GIT2: variants seen among roughly 807,000 people sequenced by gnomAD.
GIT2 encodes the protein ARF GTPase-activating protein GIT2.
GIT2 carries 32 observed loss-of-function variants against 100.3 expected under a neutral mutation model. The ratio of observed to expected loss-of-function variants is 0.32; its 90% confidence interval spans 0.24 to 0.43. GIT2 has a LOEUF of 0.43. Ranked by LOEUF, GIT2 falls within the 20% of genes least tolerant of loss-of-function variation. The pLI, the probability that GIT2 is intolerant of heterozygous loss-of-function variation, is 1.00. For missense variants in GIT2, 737 were observed against 975.1 expected (o/e 0.76, Z 3.25); for synonymous variants, 353 against 364.1 (o/e 0.97, Z 0.35).
Position 109,948,892 on chromosome 12 carries a change from CT to C in GIT2, c.1393-1389del. 7.4e-7 allele frequency: 1 copy of C among 1,348,316 alleles called. No homozygotes were observed. Among genetic ancestry groups the C allele is most frequent in the Non-Finnish European group, 1.0e-6 (1 of 959,382 alleles). 83.5% of individuals were successfully genotyped at this position (1,348,316 alleles called of 1,614,324 possible). On this transcript the variant is annotated intron_variant, in intron 14 of 19. Transcript: ENST00000355312. The surrounding 1 kb of genome is among the most constrained non-coding windows in gnomAD (Gnocchi z 4.3). ...GATACAAATCATGCTACTTTGTCAA[CT>C]TTATGTATATTAAAAACTTTACCCA...
intron 7 of GIT2, among the ~76,000 whole-genome samples, chr12:109,972,080 T>C (rs182040766): frequency 1.3e-5 from 2 of 152,310 alleles, no homozygotes; most frequent in Admixed American, 6.5e-5. Flanking sequence ...CTCAAGGTTC[T>C]GGAAACCTTT....
chr12:109,966,805 C>G (rs1882598417), intron 8 of GIT2, among the ~76,000 whole-genome samples: 1 of 152,190 alleles, frequency 6.6e-6, no homozygotes, highest in African/African-American at 2.4e-5. Context: ...AGGATCATTC[C>G]TGTAGCAATG....
chr12:109,939,147 C>G lies in GIT2; in HGVS notation c.1814+18G>C. The G allele has an allele frequency of 6.4e-7, 1 of 1,552,678 alleles. No individual in the cohort carries two copies. Among genetic ancestry groups the G allele is most frequent in the Non-Finnish European group, 8.9e-7 (1 of 1,124,382 alleles). On this transcript the variant is annotated intron_variant, in intron 17 of 19. Transcript: ENST00000355312. ...CCTGGGGAGCCCCTCCCCTGGCACG[C>G]TCGTCCTGTGCATGTACCCCATGCC...
chr12:109,955,096 C>G (rs1042811231), intron 12 of GIT2, among the ~76,000 whole-genome samples: 4 of 152,028 alleles, frequency 2.6e-5, no homozygotes, highest in Non-Finnish European at 4.4e-5. Context: ...TAGCCACACA[C>G]AGTCAATTCT....
Position 109,965,463 on chromosome 12 carries a change from G to A in GIT2, c.816+63C>T. On this transcript the variant is annotated intron_variant, in intron 9 of 19. Transcript: ENST00000355312. ...ACGCAATAGGTAACCTGCATTCAGA[G>A]TAGGTATCAGCAGGGTGCACTGATT... 10 of 884,448 alleles carry A rather than the reference G, an allele frequency of 1.1e-5. No homozygotes were observed. The South Asian group carries it at 1.2e-4, about 10-fold the overall frequency. The allele number at this position is 884,448 out of a possible 1,614,324, so 54.8% of individuals were successfully genotyped here.
chr12:109,988,848 CAAAAAAAA>C (rs59956597), intron 4 of GIT2, 107 bp downstream of exon 4: 926 of 204,824 alleles, frequency 4.5e-3, no homozygotes, highest in South Asian at 0.01. Flanking sequence ...GACTCTGTCT[CAAAAAAAA>C]AAAAAAAAAA....
At chr12:109,970,775 A>G (rs935841219) in intron 7 of GIT2, among the ~76,000 whole-genome samples, 2 of 152,162 alleles carry the variant, frequency 1.3e-5, no homozygotes, top group East Asian at 3.9e-4. Context: ...TCACCCTTCC[A>G]TTTGAATTTT....
intron 14 of GIT2, 182 bp downstream of exon 14, chr12:109,950,985 G>A: frequency 1.5e-6 from 1 of 652,342 alleles, no homozygotes; most frequent in Non-Finnish European, 2.7e-6. Context: ...AACTTACTCT[G>A]GATATATTTC....
intron 18 of GIT2, among the ~76,000 whole-genome samples, chr12:109,937,481 A>C (rs900631592): frequency 1.3e-5 from 2 of 152,188 alleles, no homozygotes; most frequent in Non-Finnish European, 2.9e-5. Flanking sequence ...CTAATGTTTT[A>C]TGAGTGTCTA....
At chr12:109,956,059 A>G (rs1879357119) in intron 12 of GIT2, among the ~76,000 whole-genome samples, 1 of 151,936 alleles carries the variant, frequency 6.6e-6, no homozygotes, top group Non-Finnish European at 1.5e-5. Context: ...CTCCTGAGTA[A>G]CTGGGATTAC....
Position 109,953,155 on chromosome 12 carries a change from G to A in GIT2, c.1179C>T (p.Asp393=). 6.2e-7 allele frequency: 1 copy of A among 1,614,040 alleles called. No individual in the cohort carries two copies. Among genetic ancestry groups the A allele is most frequent in the African/African-American group, 1.3e-5 (1 of 75,030 alleles). ...ESQDNDQPDY[D]SVASDEDTDL... is the part of the protein sequence containing the mutation. The stretch of plus-strand genomic sequence containing the variant: ...CTGTGTCTTCGTCTGATGCCACGCT[G>A]TCATAGTCGGGCTGATCGTTGTCTT... The change falls in exon 13 of 20, where the codon GAC becomes GAT. Residue 393 remains aspartate, a synonymous_variant. Coordinates refer to ENST00000355312, the MANE Select transcript of GIT2 (RefSeq NM_057169.5).
At chr12:109,942,389 G>A (rs1187187535) in intron 16 of GIT2, among the ~76,000 whole-genome samples, 1 of 152,038 alleles carries the variant, frequency 6.6e-6, no homozygotes. Context: ...GTGCAGTGGT[G>A]CAATCCTGGA....
Position 109,947,530 on chromosome 12 carries a change from C to T in GIT2, c.1393-26G>A. The T allele has an allele frequency of 6.2e-7, 1 of 1,601,530 alleles. No individual in the cohort carries two copies. The highest frequency in any genetic ancestry group is 8.5e-7 in the Non-Finnish European group (1 of 1,172,878). On this transcript the variant is annotated intron_variant, in intron 14 of 19. Transcript: ENST00000355312. The surrounding 1 kb of genome is among the most constrained non-coding windows in gnomAD (Gnocchi z 4.3). ...CTGAAAGAAATGTTTGGCAGTGGGACTGTGTTTTTTTACAGCAAGCAGAAA... is the reference window on the plus strand; with the variant it reads ...CTGAAAGAAATGTTTGGCAGTGGGATTGTGTTTTTTTACAGCAAGCAGAAA...
At position 109,945,647 on chromosome 12, in the gene GIT2, A is replaced by G. The variant is rs761754091; in HGVS notation, c.1642-298T>C. Among the ~76,000 whole-genome samples the G allele has an allele frequency of 1.3e-3, 196 of 152,350 alleles. 2 individuals carry two copies. The highest frequency in any genetic ancestry group is 2.2e-3 in the Non-Finnish European group (153 of 68,036). On this transcript the variant is annotated intron_variant, in intron 15 of 19. Coordinates refer to ENST00000355312, the MANE Select transcript of GIT2 (RefSeq NM_057169.5). ...CTATGAAATGCATATTTGTTTTTCA[A>G]TCAGGACTGATGTGAAATGAGAAAC... is the stretch of plus-strand genomic sequence containing the variant.
chr12:109,967,206 G>T, intron 8 of GIT2: 2 of 733,532 alleles, frequency 2.7e-6, no homozygotes, highest in Non-Finnish European at 4.6e-6. Flanking sequence ...ACAAAATACT[G>T]TCACAACTGG....
chr12:109,971,065 C>T (rs937502762), intron 7 of GIT2, among the ~76,000 whole-genome samples: 3 of 152,036 alleles, frequency 2.0e-5, no homozygotes, highest in Non-Finnish European at 2.9e-5. Context: ...GGATTACAGG[C>T]GTAAGCCACT....
chr12:109,982,605 T>C (rs1566007720), intron 6 of GIT2: 1 of 150,470 alleles, frequency 6.6e-6, no homozygotes, highest in Non-Finnish European at 1.5e-5. Context: ...ACTTTATTAA[T>C]AAAGAAAAAT....
intron 18 of GIT2, among the ~76,000 whole-genome samples, chr12:109,936,848 G>A (rs1430006249): frequency 6.7e-6 from 1 of 148,466 alleles, no homozygotes; most frequent in African/African-American, 2.5e-5. Flanking sequence ...CAGCCTGGGT[G>A]ACAGAGCAAG....
intron 16 of GIT2, among the ~76,000 whole-genome samples, chr12:109,942,230 C>A (rs1003827881): frequency 1.3e-5 from 2 of 152,056 alleles, no homozygotes; most frequent in Non-Finnish European, 2.9e-5. Context: ...CTTGCATTTA[C>A]GTAATTATAC....
Sources: allele counts gnomAD v4.1 joint callset (sites outside exome capture counted in the v4.1 genomes callset), GRCh38; gene constraint gnomAD v4.1.1; non-coding constraint Gnocchi (gnomAD v3.1); transcripts MANE v1.5; gene names NCBI Gene and HGNC (gene_info 2026-07-23, HGNC 2026-07-21).